Variants in LMTK2 observed in about 807,000 individuals in gnomAD.
The protein encoded by LMTK2 is serine/threonine-protein kinase LMTK2.
LMTK2 carries 37 observed loss-of-function variants against 127.5 expected under a neutral mutation model. The observed-to-expected ratio is 0.29, with a 90% confidence interval of 0.22 to 0.38. The LOEUF is 0.38. Among genes scored for constraint, LMTK2 ranks in the 10% least tolerant of loss-of-function variants. The pLI, the probability that LMTK2 is intolerant of heterozygous loss-of-function variation, is 1.00. For synonymous variants in LMTK2, 819 were observed against 810.1 expected, an observed-to-expected ratio of 1.01 and a Z score of -0.19; for missense variants, 1,694 against 1,920.3, an observed-to-expected ratio of 0.88 and a Z score of 2.20.
At position 98,140,176 on chromosome 7, in the gene LMTK2, C is replaced by CG. The variant is rs1796670302; in HGVS notation, c.232-1221_232-1220insG. On this transcript the variant is annotated intron_variant, in intron 2 of 13. Coordinates refer to ENST00000297293, the MANE Select transcript of LMTK2 (RefSeq NM_014916.4). ...TCTTTTCTTTTCTTTTCTTTTCTTT[C>CG]TTTTCTTTCTTCTTTCTGTCTTTGA... is the stretch of plus-strand genomic sequence containing the variant. Among the ~76,000 whole-genome samples, 3 of 10,796 alleles carry CG rather than the reference C, an allele frequency of 2.8e-4. 1 individual carries two copies. The highest frequency in any genetic ancestry group is 6.7e-4 in the Non-Finnish European group (3 of 4,468). The allele number at this position is 10,796 out of a possible 152,430, so 7.1% of individuals were successfully genotyped here. A position where few individuals can be genotyped will look rare whatever the true frequency, so the allele number is the denominator to read the frequency against.
intron 1 of LMTK2, among the ~76,000 whole-genome samples, chr7:98,131,872 G>A (rs576546199): frequency 3.3e-5 from 5 of 152,292 alleles, no homozygotes; most frequent in African/African-American, 1.2e-4. Context: ...TGTTTTCTAA[G>A]GTAGTTGTGA....
rs1253029357 is a variant in LMTK2 at position 98,192,099 on chromosome 7, T to C, written c.1634T>C (p.Leu545Pro). The change falls in exon 11 of 14, where the codon CTT (leucine) becomes CCT (proline). Residue 545 changes from leucine (L) to proline (P), a missense_variant. By Grantham distance (98) the Leu-to-Pro change is moderately conservative (BLOSUM62 -3). Transcript: ENST00000297293. ...GTTCCTGTTTTTGATGCCCACAACC[T>C]TTCTGTTGGAAGCGACTATTATATC... ...GVVPVFDAHNLSVGSDYYIQL... is the reference protein window; with the variant it reads ...GVVPVFDAHNPSVGSDYYIQL... The C allele has an allele frequency of 8.3e-6, 13 of 1,559,058 alleles. No homozygotes were observed. The highest frequency in any genetic ancestry group is 1.1e-5 in the Non-Finnish European group (13 of 1,154,924).
intron 1 of LMTK2, among the ~76,000 whole-genome samples, chr7:98,127,875 G>A (rs1222093961): frequency 6.6e-6 from 1 of 152,206 alleles, no homozygotes; most frequent in Non-Finnish European, 1.5e-5. Context: ...GGGCATGGTG[G>A]CTCATGCCTG....
intron 8 of LMTK2, among the ~76,000 whole-genome samples, chr7:98,186,374 T>G (rs557136331): frequency 2.0e-4 from 30 of 152,140 alleles, no homozygotes; most frequent in Non-Finnish European, 2.1e-4. Flanking sequence ...ATCATCTCAT[T>G]TAATCCTCAC....
At chr7:98,129,230 T>C (rs1796486499) in intron 1 of LMTK2, among the ~76,000 whole-genome samples, 1 of 151,414 alleles carries the variant, frequency 6.6e-6, no homozygotes, top group Admixed American at 6.6e-5. Flanking sequence ...GACTACAGGC[T>C]CATGCCACCA....
At chr7:98,113,597 T>C (rs965869523) in intron 1 of LMTK2, among the ~76,000 whole-genome samples, 1 of 152,116 alleles carries the variant, frequency 6.6e-6, no homozygotes, top group Non-Finnish European at 1.5e-5. Flanking sequence ...TATAGTCGAC[T>C]AGCAGTGCTT....
chr7:98,190,233 T>C (rs1797501315), intron 9 of LMTK2, among the ~76,000 whole-genome samples: 1 of 152,250 alleles, frequency 6.6e-6, no homozygotes, highest in African/African-American at 2.4e-5. Flanking sequence ...TTCCTCATTT[T>C]AACAGAAATG....
intron 1 of LMTK2, among the ~76,000 whole-genome samples, chr7:98,134,151 A>G (rs964612804): frequency 2.0e-5 from 3 of 152,362 alleles, no homozygotes; most frequent in South Asian, 2.1e-4. Flanking sequence ...GTTCATGGGC[A>G]TATCAGTTTC....
chr7:98,134,629 A>G (rs1210518192), intron 1 of LMTK2, among the ~76,000 whole-genome samples: 1 of 151,742 alleles, frequency 6.6e-6, no homozygotes, highest in African/African-American at 2.4e-5. Context: ...AGCCTGGACA[A>G]CATAGTGAGA....
chr7:98,137,644 G>A (rs1796614264), intron 2 of LMTK2, among the ~76,000 whole-genome samples: 1 of 152,210 alleles, frequency 6.6e-6, no homozygotes, highest in African/African-American at 2.4e-5. Flanking sequence ...AACTCTGCCA[G>A]GATAGACACT....
At chr7:98,159,959 GATA>G (rs1796988910) in intron 6 of LMTK2, among the ~76,000 whole-genome samples, 1 of 152,182 alleles carries the variant, frequency 6.6e-6, no homozygotes, top group African/African-American at 2.4e-5. Context: ...TTCTTAGCAT[GATA>G]ATATTATTTA....
chr7:98,163,612 C>T (rs1033859438), intron 6 of LMTK2, among the ~76,000 whole-genome samples: 9 of 152,144 alleles, frequency 5.9e-5, no homozygotes, highest in South Asian at 2.1e-4. Context: ...CCAGCTTCTC[C>T]GGGCTCCCAC....
intron 7 of LMTK2, among the ~76,000 whole-genome samples, chr7:98,175,084 C>T (rs985142658): frequency 6.6e-6 from 1 of 152,070 alleles, no homozygotes; most frequent in East Asian, 1.9e-4. Context: ...GGGTGCTGAG[C>T]GGTTGGTCTG....
chr7:98,205,395 T>G, intron 13 of LMTK2, 69 bp from the exon 14 acceptor site: 1 of 1,586,400 alleles, frequency 6.3e-7, no homozygotes, highest in East Asian at 2.2e-5. Context: ...GCACATGCCA[T>G]CCACGCCATG....
At chr7:98,179,471 G>A (rs10257707) in intron 7 of LMTK2, among the ~76,000 whole-genome samples, 151,611 of 152,322 alleles carry the variant, frequency 1, 75,456 homozygotes, top group Middle Eastern at 1. Context: ...CGGAGCCTCT[G>A]TTGGCAAAAC....
intron 7 of LMTK2, among the ~76,000 whole-genome samples, chr7:98,184,117 T>C (rs1193823045): frequency 6.6e-6 from 1 of 152,166 alleles, no homozygotes; most frequent in Non-Finnish European, 1.5e-5. Context: ...AAGATCCAAG[T>C]GCCCTGTTCA....
intron 1 of LMTK2, among the ~76,000 whole-genome samples, chr7:98,109,627 C>G (rs1225207573): frequency 6.6e-6 from 1 of 151,524 alleles, no homozygotes; most frequent in East Asian, 1.9e-4. Flanking sequence ...GCCTGTAATC[C>G]CAACTATTTG....
intron 11 of LMTK2, among the ~76,000 whole-genome samples, chr7:98,203,219 C>T (rs576424046): frequency 6.2e-4 from 95 of 152,350 alleles, no homozygotes; most frequent in African/African-American, 2.2e-3. Flanking sequence ...GCAGTGCCCA[C>T]TTTGGATTCC....
chr7:98,122,911 C>G (rs1307686451), intron 1 of LMTK2, among the ~76,000 whole-genome samples: 1 of 152,046 alleles, frequency 6.6e-6, no homozygotes, highest in Non-Finnish European at 1.5e-5. Context: ...TGTTTCCTAT[C>G]AGCTCTGTTT....
Sources: gnomAD v4.1 joint callset for allele counts (sites outside exome capture counted in the v4.1 genomes callset) on GRCh38, gnomAD v4.1.1 for gene constraint, MANE v1.5 for transcripts, NCBI Gene and HGNC (gene_info 2026-07-23, HGNC 2026-07-21) for gene names.